The following SCAMP1 variants were observed in gnomAD, a reference collection of about 807,000 sequenced individuals.
SCAMP1 encodes the protein secretory carrier-associated membrane protein 1.
In SCAMP1, 15 loss-of-function variants were observed where a neutral mutation model predicts 41.8. The ratio of observed to expected loss-of-function variants is 0.36; its 90% CI spans 0.24 to 0.55. SCAMP1 has a LOEUF of 0.55. Among genes scored for constraint, SCAMP1 ranks in the 20% least tolerant of loss-of-function variants. SCAMP1 has a pLI of 0.86. For missense variants in SCAMP1, 341 were observed against 412.6 expected (o/e 0.83, Z 1.50); for synonymous variants, 135 against 136.8 (o/e 0.99, Z 0.09).
chr5:78,456,404 T>G (rs1338794431), intron 7 of SCAMP1, among the ~76,000 whole-genome samples: 4 of 152,152 alleles, frequency 2.6e-5, no homozygotes, highest in Non-Finnish European at 5.9e-5. Flanking sequence ...TCTCAGCATT[T>G]GCTTGTTTGT....
At chr5:78,466,965 A>G (rs959719294) in intron 8 of SCAMP1, among the ~76,000 whole-genome samples, 2 of 152,292 alleles carry the variant, frequency 1.3e-5, no homozygotes, top group African/African-American at 2.4e-5. Flanking sequence ...AGACTCAAGG[A>G]TGACACCCAG....
At chr5:78,367,156 TAA>T (rs1750818999) in intron 1 of SCAMP1, among the ~76,000 whole-genome samples, 1 of 152,226 alleles carries the variant, frequency 6.6e-6, no homozygotes, top group Non-Finnish European at 1.5e-5. Flanking sequence ...TTAATGTTTT[TAA>T]AAAGCACATA....
At chr5:78,401,693 G>A (rs1751802903) in intron 2 of SCAMP1, among the ~76,000 whole-genome samples, 1 of 152,062 alleles carries the variant, frequency 6.6e-6, no homozygotes, top group African/African-American at 2.4e-5. Context: ...CTTCATTTCT[G>A]ATATTAGTAA....
rs1189543465 is a variant in SCAMP1, at chr5:78,476,406, A to G, written c.*738A>G. ...ATAAAAAGTTTGGGGGTGCAATATAAGAAGTTTATATAATATGCAGTACAT... is the reference window on the plus strand; with the variant it reads ...ATAAAAAGTTTGGGGGTGCAATATAGGAAGTTTATATAATATGCAGTACAT... On this transcript the variant is annotated 3_prime_UTR_variant, in exon 9 of 9. Coordinates refer to ENST00000621999, the MANE Select transcript of SCAMP1 (RefSeq NM_004866.6). 1 of 152,580 alleles carries G rather than the reference A, an allele frequency of 6.6e-6. No homozygotes were observed. Among genetic ancestry groups the G allele is most frequent in the Non-Finnish European group, 1.5e-5 (1 of 68,024 alleles). The allele number at this position is 152,580 out of a possible 1,614,324, so 9.5% of individuals were successfully genotyped here. A position where few individuals can be genotyped will look rare whatever the true frequency, so the allele number is the denominator to read the frequency against.
At chr5:78,426,522 C>T (rs1268113913) in intron 6 of SCAMP1, among the ~76,000 whole-genome samples, 4 of 152,116 alleles carry the variant, frequency 2.6e-5, no homozygotes, top group Admixed American at 1.3e-4. Context: ...TTTTAATTTG[C>T]GTTTCTCTAA....
chr5:78,432,819 T>C (rs1752655785), intron 6 of SCAMP1, among the ~76,000 whole-genome samples: 1 of 152,168 alleles, frequency 6.6e-6, no homozygotes, highest in South Asian at 2.1e-4. Flanking sequence ...TCTTTACATA[T>C]TTCTTTTGTA....
chr5:78,429,681 T>G (rs1281120124), intron 6 of SCAMP1, among the ~76,000 whole-genome samples: 1 of 152,060 alleles, frequency 6.6e-6, no homozygotes, highest in African/African-American at 2.4e-5. Context: ...TTACCAGAGT[T>G]CAGTAGTTTC....
intron 1 of SCAMP1, among the ~76,000 whole-genome samples, chr5:78,379,269 G>A (rs1751140176): frequency 6.6e-6 from 1 of 152,164 alleles, no homozygotes; most frequent in African/African-American, 2.4e-5. Flanking sequence ...AAAAGTAAAT[G>A]TAAAAGTAAA....
At chr5:78,474,806 G>A (rs1264802414) in intron 8 of SCAMP1, among the ~76,000 whole-genome samples, 1 of 152,094 alleles carries the variant, frequency 6.6e-6, no homozygotes, top group Non-Finnish European at 1.5e-5. Flanking sequence ...ATGTATTGAT[G>A]GACTCATAGT....
intron 8 of SCAMP1, among the ~76,000 whole-genome samples, chr5:78,471,232 T>C (rs1753876115): frequency 1.3e-5 from 2 of 152,124 alleles, no homozygotes; most frequent in South Asian, 4.1e-4. Flanking sequence ...GGGAAAGCCA[T>C]AGCTAGTTCA....
At chr5:78,470,742 T>C (rs1580722979) in intron 8 of SCAMP1, among the ~76,000 whole-genome samples, 2 of 152,196 alleles carry the variant, frequency 1.3e-5, no homozygotes, top group East Asian at 1.9e-4. Context: ...ACCTCCAAAC[T>C]CTTTTCTGGA....
intron 2 of SCAMP1, among the ~76,000 whole-genome samples, chr5:78,403,277 A>G (rs577812937): frequency 1.3e-5 from 2 of 152,280 alleles, no homozygotes; most frequent in South Asian, 4.1e-4. Context: ...CCTACATACA[A>G]ATAACTATAC....
At chr5:78,376,834 G>T (rs1429110189) in intron 1 of SCAMP1, among the ~76,000 whole-genome samples, 1 of 152,060 alleles carries the variant, frequency 6.6e-6, no homozygotes, top group East Asian at 1.9e-4. Context: ...TTTTTTGTTT[G>T]TTTGTTTTTT....
At position 78,435,167 on chromosome 5, in the gene SCAMP1, G is replaced by A. The variant is rs183901856; in HGVS notation, c.632+13207G>A. The stretch of plus-strand genomic sequence containing the variant: ...CATGAGATCTATAAATATAGAAAAG[G>A]AGAGCTTTATTTCTTACAGAGGATT... On this transcript the variant is annotated intron_variant, in intron 6 of 8. Transcript: ENST00000621999. Among the ~76,000 whole-genome samples the A allele has an allele frequency of 1.5e-3, 223 of 152,228 alleles. 2 individuals carry two copies. The highest frequency in any genetic ancestry group is 2.6e-3 in the Admixed American group (40 of 15,294).
intron 7 of SCAMP1, among the ~76,000 whole-genome samples, chr5:78,451,462 C>G (rs1466285340): frequency 6.6e-6 from 1 of 152,160 alleles, no homozygotes; most frequent in Non-Finnish European, 1.5e-5. Context: ...TAGCCACTCT[C>G]AAAACTCCCC....
At chr5:78,469,889 T>TAAA (rs1753831051) in intron 8 of SCAMP1, among the ~76,000 whole-genome samples, 1 of 40,652 alleles carries the variant, frequency 2.5e-5, no homozygotes, top group Admixed American at 4.1e-4. Context: ...TTACAAGACA[T>TAAA]TAAAAAAAAA....
chr5:78,447,141 G>C (rs796322449), intron 6 of SCAMP1, among the ~76,000 whole-genome samples: 9 of 152,322 alleles, frequency 5.9e-5, no homozygotes, highest in Admixed American at 1.3e-4. Flanking sequence ...GAGATAGTTT[G>C]ATCCTGAAAC....
At chr5:78,431,687 T>A (rs562220751) in intron 6 of SCAMP1, among the ~76,000 whole-genome samples, 2 of 152,072 alleles carry the variant, frequency 1.3e-5, no homozygotes, top group East Asian at 1.9e-4. Flanking sequence ...TCAAATAATA[T>A]TATTCTGCTT....
chr5:78,391,285 AC>A (rs1188177542), intron 2 of SCAMP1, among the ~76,000 whole-genome samples: 5 of 147,320 alleles, frequency 3.4e-5, no homozygotes, highest in Admixed American at 2.0e-4. Context: ...CGGGGGGCTG[AC>A]CCCCCCACCT....
Sources: allele counts gnomAD v4.1 joint callset (sites outside exome capture counted in the v4.1 genomes callset), GRCh38; gene constraint gnomAD v4.1.1; transcripts MANE v1.5; gene names NCBI Gene and HGNC (gene_info 2026-07-23, HGNC 2026-07-21).